SIRPD: variants seen among roughly 807,000 people sequenced by gnomAD.
The protein encoded by SIRPD is signal-regulatory protein delta.
SIRPD carries 21 observed loss-of-function variants against 18.0 expected under a neutral mutation model. The observed-to-expected ratio is 1.17, with a 90% CI of 0.83 to 1.68. The LOEUF is 1.68. Ranked by LOEUF, SIRPD falls within the 40% of genes most tolerant of loss-of-function variation. SIRPD has a pLI of 0.00. For missense variants in SIRPD, 295 were observed against 238.4 expected (o/e 1.24, Z -1.56); for synonymous variants, 106 against 92.9 (o/e 1.14, Z -0.81).
At position 1,551,720 on chromosome 20, in the gene SIRPD, G is replaced by A. The variant is rs373697160; in HGVS notation, c.392C>T (p.Ser131Leu). The change falls in exon 2 of 4, where the codon TCA becomes TTA. Residue 131 changes from serine to leucine, a missense_variant. Transcript: ENST00000381623. The part of the protein sequence containing the change: ...IKGRAIKEYQ[S>L]GRGTQVFVTE... ...AACAAACACCTGAGTGCCCCGACCT[G>A]ATTGGTACTCCTTGATAGCTCTTCC... The A allele has an allele frequency of 1.9e-6, 3 of 1,613,916 alleles. No homozygotes were observed. The highest frequency in any genetic ancestry group is 2.2e-5 in the East Asian group (1 of 44,876).
intron 2 of SIRPD, among the ~76,000 whole-genome samples, chr20:1,547,049 T>C (rs1394293592): frequency 6.6e-6 from 1 of 152,264 alleles, no homozygotes; most frequent in African/African-American, 2.4e-5. Context: ...TTTTTTCTTT[T>C]GTTTCTCATG....
intron 3 of SIRPD, 56 bp downstream of exon 3, chr20:1,537,099 C>T (rs1008049671): frequency 4.2e-5 from 67 of 1,579,858 alleles, no homozygotes; most frequent in East Asian, 2.2e-4. Flanking sequence ...ATGGTACCGC[C>T]GCCAAACTCA....
intron 2 of SIRPD, among the ~76,000 whole-genome samples, chr20:1,546,737 C>A (rs1353178417): frequency 6.6e-6 from 1 of 152,174 alleles, no homozygotes; most frequent in Non-Finnish European, 1.5e-5. Context: ...CCTCTACATT[C>A]TCATAAACAT....
In SIRPD at chr20:1,545,595, C is replaced by T. The variant is rs573232150; in HGVS notation, c.421+6096G>A. Among the ~76,000 whole-genome samples the T allele has an allele frequency of 2.2e-4, 34 of 152,290 alleles. 1 individual carries two copies. Among genetic ancestry groups the T allele is most frequent in the Admixed American group, 2.0e-3 (30 of 15,300 alleles). On this transcript the variant is annotated intron_variant, in intron 2 of 3. Transcript: ENST00000381623. ...TAGCATGGAGGAGTTTGTTATTACCCGCCATCTGAAGCCTACTTCTGTCAA... is the reference window on the plus strand; with the variant it reads ...TAGCATGGAGGAGTTTGTTATTACCTGCCATCTGAAGCCTACTTCTGTCAA...
intron 2 of SIRPD, among the ~76,000 whole-genome samples, chr20:1,546,550 T>C (rs1047029833): frequency 1.3e-5 from 2 of 152,220 alleles, no homozygotes; most frequent in Non-Finnish European, 2.9e-5. Context: ...TTATAAACAT[T>C]TGTGCACAAA....
rs539708391 is a variant in SIRPD, at chr20:1,552,433, T to G, written c.74-395A>C. On this transcript the variant is annotated intron_variant, in intron 1 of 3. Coordinates refer to ENST00000381623, the MANE Select transcript of SIRPD (RefSeq NM_178460.3). ...TTCAACCCTACATCTCCACTGAGTT[T>G]GGGGTTGGCCTTCCTCTCTCCTCTG... 3.0e-4 allele frequency among the ~76,000 whole-genome samples: 45 copies of G among 152,296 alleles called. 1 individual carries two copies. In the South Asian group the frequency reaches 3.5e-3, roughly 12 times the overall value.
chr20:1,536,982 C>A (rs1184770293), intron 3 of SIRPD, among the ~76,000 whole-genome samples, 173 bp downstream of exon 3: 1 of 152,146 alleles, frequency 6.6e-6, no homozygotes, highest in Non-Finnish European at 1.5e-5. Context: ...TTTGGAGACA[C>A]TAGTTATAAA....
At chr20:1,550,868 C>A (rs563663995) in intron 2 of SIRPD, among the ~76,000 whole-genome samples, 1 of 152,252 alleles carries the variant, frequency 6.6e-6, no homozygotes, top group South Asian at 2.1e-4. Flanking sequence ...ATAGTAGATG[C>A]CCAATAAATG....
chr20:1,542,342 G>A (rs2090975837), intron 2 of SIRPD, among the ~76,000 whole-genome samples: 1 of 152,146 alleles, frequency 6.6e-6, no homozygotes, highest in South Asian at 2.1e-4. Context: ...TCTCCTCAAA[G>A]AGGTCCTTCA....
chr20:1,547,390 T>C (rs949171509), intron 2 of SIRPD, among the ~76,000 whole-genome samples: 26 of 152,194 alleles, frequency 1.7e-4, no homozygotes, highest in African/African-American at 6.3e-4. Context: ...TTATCTTGAT[T>C]GATGTGGACT....
intron 1 of SIRPD, among the ~76,000 whole-genome samples, chr20:1,556,066 C>T (rs369576497): frequency 2.1e-4 from 32 of 152,274 alleles, no homozygotes; most frequent in African/African-American, 7.2e-4. Flanking sequence ...TGCAACATGG[C>T]TCCTTGCTTC....
Position 1,557,663 on chromosome 20 carries a change from A to G in SIRPD, c.-10T>C, listed in dbSNP as rs772360698. 1 of 1,610,876 alleles carries G rather than the reference A, an allele frequency of 6.2e-7. No homozygotes were observed. Reference sequence around the variant, plus strand: ...AGGCAGGGATGGGCATTGTGGTGAAACCTGGAGCTTGCTCTGCCTGAATGC... The same window carrying G: ...AGGCAGGGATGGGCATTGTGGTGAAGCCTGGAGCTTGCTCTGCCTGAATGC... On this transcript the variant is annotated 5_prime_UTR_variant, in exon 1 of 4. Transcript: ENST00000381623.
intron 2 of SIRPD, among the ~76,000 whole-genome samples, chr20:1,543,370 G>A (rs934731344): frequency 6.6e-6 from 1 of 152,158 alleles, no homozygotes; most frequent in African/African-American, 2.4e-5. Context: ...GAGGGTGTAT[G>A]TGTCCAAGAA....
At chr20:1,549,903 A>C (rs2091011208) in intron 2 of SIRPD, among the ~76,000 whole-genome samples, 1 of 152,176 alleles carries the variant, frequency 6.6e-6, no homozygotes, top group East Asian at 1.9e-4. Flanking sequence ...AAACATATGT[A>C]TACATTTTTA....
intron 2 of SIRPD, among the ~76,000 whole-genome samples, chr20:1,550,827 G>A (rs2091015741): frequency 6.6e-6 from 1 of 152,160 alleles, no homozygotes; most frequent in African/African-American, 2.4e-5. Flanking sequence ...AAATGTTGCT[G>A]TGTAGATAAT....
chr20:1,545,761 C>G (rs2090990975), intron 2 of SIRPD, among the ~76,000 whole-genome samples: 3 of 152,128 alleles, frequency 2.0e-5, no homozygotes, highest in Admixed American at 2.0e-4. Context: ...GATTTATCTA[C>G]CTTGATCTTG....
chr20:1,534,901 G>A (rs2090938864), intron 3 of SIRPD, among the ~76,000 whole-genome samples: 1 of 152,152 alleles, frequency 6.6e-6, no homozygotes, highest in African/African-American at 2.4e-5. Flanking sequence ...CATACCCTTT[G>A]ATTTAGTAAT....
rs543496157 is a variant in SIRPD, at chr20:1,537,957, G to A, written c.422-647C>T. On this transcript the variant is annotated intron_variant, in intron 2 of 3. Coordinates refer to ENST00000381623, the MANE Select transcript of SIRPD (RefSeq NM_178460.3). Reference sequence around the variant, plus strand: ...TGCAGAAACGCAGCTGGGAGGAGGAGGGGTATCTCTTTTTTCTGTCCCTAG... The same window carrying A: ...TGCAGAAACGCAGCTGGGAGGAGGAAGGGTATCTCTTTTTTCTGTCCCTAG... 1.8e-4 allele frequency among the ~76,000 whole-genome samples: 27 copies of A among 152,270 alleles called. No individual in the cohort carries two copies. In the South Asian group the frequency reaches 5.2e-3, roughly 29 times the overall value.
At chr20:1,544,318 G>A (rs2090984163) in intron 2 of SIRPD, among the ~76,000 whole-genome samples, 1 of 152,116 alleles carries the variant, frequency 6.6e-6, no homozygotes, top group Non-Finnish European at 1.5e-5. Context: ...TATATATTTA[G>A]GATAGTTAGC....
Sources: allele counts gnomAD v4.1 joint callset (sites outside exome capture counted in the v4.1 genomes callset), GRCh38; gene constraint gnomAD v4.1.1; transcripts MANE v1.5; gene names NCBI Gene and HGNC (gene_info 2026-07-23, HGNC 2026-07-21).